The following DCAF8L2 variants were observed in gnomAD, a reference collection of about 807,000 sequenced individuals.
DCAF8L2 encodes DDB1- and CUL4-associated factor 8-like protein 2.
For synonymous variants in DCAF8L2, 200 were observed against 190.9 expected (o/e 1.05, Z -0.39); for missense variants, 430 against 490.7 (o/e 0.88, Z 1.17).
chrX:27,688,138 A>C lies in DCAF8L2; in HGVS notation c.-143+10226A>C, dbSNP rs1045944430. 4.5e-5 allele frequency among the ~76,000 whole-genome samples: 5 copies of C among 111,842 alleles called. No individual in the cohort carries two copies. In the Admixed American group the frequency reaches 4.8e-4, roughly 11 times the overall value. On this transcript the variant is annotated intron_variant, in intron 3 of 4. Transcript: ENST00000451261. ...AGAAATGGGCTTAGATAAAATAGAG[A>C]AAGATTTCAGTCACATGAAAAACTG... is the stretch of plus-strand genomic sequence containing the variant.
intron 4 of DCAF8L2, among the ~76,000 whole-genome samples, chrX:27,727,326 G>T (rs1190165035): frequency 9.0e-6 from 1 of 111,315 alleles, no homozygotes; most frequent in African/African-American, 3.3e-5. Context: ...ATCATTTGAT[G>T]AACAGAAGTT....
chrX:27,472,544 C>G, the DCAF8L2 span, among the ~76,000 whole-genome samples: 1 of 111,153 alleles, frequency 9.0e-6, no homozygotes, highest in Non-Finnish European at 1.9e-5. Flanking sequence ...CTCTCCCTCC[C>G]CTTTTCCCCA....
chrX:27,477,470 G>A, the DCAF8L2 span, among the ~76,000 whole-genome samples: 1 of 110,759 alleles, frequency 9.0e-6, no homozygotes, highest in African/African-American at 3.3e-5. Context: ...TGTATTTTTA[G>A]TAGAGACGGG....
intron 2 of DCAF8L2, among the ~76,000 whole-genome samples, chrX:27,667,822 A>G (rs1390183379): frequency 8.9e-6 from 1 of 112,427 alleles, no homozygotes; most frequent in African/African-American, 3.2e-5. Flanking sequence ...TACCATACTG[A>G]TTAATTTATC....
intron 3 of DCAF8L2, among the ~76,000 whole-genome samples, chrX:27,709,813 GC>G (rs1243512996): frequency 1.8e-5 from 2 of 110,971 alleles, no homozygotes; most frequent in Non-Finnish European, 3.8e-5. Context: ...TCTGTGGCTG[GC>G]ATGTTCATTT....
At position 27,653,343 on chromosome X, in the gene DCAF8L2, C is replaced by T. The variant is rs185342229; in HGVS notation, c.-220+21343C>T. On this transcript the variant is annotated intron_variant, in intron 2 of 4. Coordinates refer to ENST00000451261, the MANE Select transcript of DCAF8L2 (RefSeq NM_001353450.2). Reference sequence around the variant, plus strand: ...AAGGCAAATCTGCTTGTCAAAAATCCCTGGCTCTAAATTACCATGCCCCAC... The same window carrying T: ...AAGGCAAATCTGCTTGTCAAAAATCTCTGGCTCTAAATTACCATGCCCCAC... Among the ~76,000 whole-genome samples, 277 of 111,298 alleles carry T rather than the reference C, an allele frequency of 2.5e-3. 1 individual carries two copies. The highest frequency in any genetic ancestry group is 8.5e-3 in the African/African-American group (259 of 30,617).
At chrX:27,484,166 A>G in the DCAF8L2 span, among the ~76,000 whole-genome samples, 1 of 111,903 alleles carries the variant, frequency 8.9e-6, no homozygotes, top group Non-Finnish European at 1.9e-5. Flanking sequence ...TTACTTGTCT[A>G]TCAGTTACAG....
the DCAF8L2 span, among the ~76,000 whole-genome samples, chrX:27,527,996 TA>T: frequency 4.2e-5 from 3 of 71,384 alleles, no homozygotes; most frequent in African/African-American, 3.0e-4. Context: ...AATTAATTAT[TA>T]AATTAAATTT....
intron 1 of DCAF8L2, among the ~76,000 whole-genome samples, chrX:27,626,699 T>G (rs6628287): frequency 0.18 from 20,144 of 111,257 alleles, 1,459 homozygotes; most frequent in East Asian, 0.4. Flanking sequence ...TACATACTTG[T>G]TTCAGTTATC....
chrX:27,715,681 G>T (rs1931676909), intron 3 of DCAF8L2, among the ~76,000 whole-genome samples: 1 of 111,585 alleles, frequency 9.0e-6, no homozygotes, highest in Non-Finnish European at 1.9e-5. Flanking sequence ...AATGCATGAG[G>T]GGAAGTTATT....
intron 1 of DCAF8L2, among the ~76,000 whole-genome samples, chrX:27,615,524 A>T (rs771027636): frequency 2.9e-5 from 3 of 104,458 alleles, no homozygotes; most frequent in South Asian, 4.0e-4. Flanking sequence ...AGATTCTATC[A>T]ATCTATCTAT....
intron 1 of DCAF8L2, among the ~76,000 whole-genome samples, chrX:27,599,232 T>C (rs762717832): frequency 9.9e-5 from 11 of 111,215 alleles, no homozygotes; most frequent in African/African-American, 3.6e-4. Context: ...TTGATGAACC[T>C]GGAGGATACT....
chrX:27,484,351 T>C, the DCAF8L2 span, among the ~76,000 whole-genome samples: 1 of 111,790 alleles, frequency 8.9e-6, no homozygotes, highest in Non-Finnish European at 1.9e-5. Flanking sequence ...CAAATCCTTT[T>C]ATATTTAAAA....
At chrX:27,558,390 A>G in the DCAF8L2 span, among the ~76,000 whole-genome samples, 2 of 111,003 alleles carry the variant, frequency 1.8e-5, no homozygotes. Flanking sequence ...CTCTTTTGGG[A>G]AAAAAGATGT....
chrX:27,503,039 A>C, the DCAF8L2 span, among the ~76,000 whole-genome samples: 3 of 111,834 alleles, frequency 2.7e-5, no homozygotes, highest in Non-Finnish European at 5.6e-5. Context: ...CAGTAAAACA[A>C]ATATTTTCTA....
the DCAF8L2 span, among the ~76,000 whole-genome samples, chrX:27,487,815 C>T: frequency 9.0e-6 from 1 of 111,489 alleles, no homozygotes; most frequent in African/African-American, 3.3e-5. Flanking sequence ...CAACCAGTAA[C>T]CCATTGTATA....
At chrX:27,656,998 T>G (rs1929377181) in intron 2 of DCAF8L2, among the ~76,000 whole-genome samples, 1 of 110,535 alleles carries the variant, frequency 9.0e-6, no homozygotes, top group Non-Finnish European at 1.9e-5. Context: ...AGACCCACCC[T>G]TAATTTGGGT....
intron 2 of DCAF8L2, among the ~76,000 whole-genome samples, chrX:27,664,818 G>GA (rs202019003): frequency 4.5e-5 from 5 of 109,928 alleles, no homozygotes; most frequent in Admixed American, 9.8e-5. Context: ...CCTATAAATA[G>GA]AAAAAAAAGC....
At chrX:27,470,015 G>A in the DCAF8L2 span, among the ~76,000 whole-genome samples, 5 of 111,280 alleles carry the variant, frequency 4.5e-5, no homozygotes, top group Non-Finnish European at 7.5e-5. Flanking sequence ...TGATCCGCCC[G>A]CCTCGGCTTC....
Sources: allele counts gnomAD v4.1 joint callset (sites outside exome capture counted in the v4.1 genomes callset), GRCh38; gene constraint gnomAD v4.1.1; transcripts MANE v1.5; gene names NCBI Gene and HGNC (gene_info 2026-07-23, HGNC 2026-07-21).